The following KRIT1 variants were observed in gnomAD, a reference collection of about 807,000 sequenced individuals.
KRIT1 encodes krev interaction trapped protein 1.
In KRIT1, 45 loss-of-function variants were observed where a neutral mutation model predicts 95.8. That is an observed-to-expected ratio of 0.47 (90% CI 0.37 to 0.60). The LOEUF (loss-of-function observed/expected upper bound fraction) is 0.60, where lower values mean the gene tolerates loss of function less well. KRIT1 is among the 20% of genes least tolerant of loss of function. The probability of loss-of-function intolerance (pLI) is 0.00; values close to 1 mark genes in which losing one functional copy is unlikely to be tolerated. For missense variants in KRIT1, 788 were observed against 877.5 expected, an observed-to-expected ratio of 0.90 and a Z score of 1.29; for synonymous variants, 282 against 278.8, an observed-to-expected ratio of 1.01 and a Z score of -0.11.
At chr7:92,222,674 T>C (rs183622259) in intron 13 of KRIT1, 148 bp downstream of exon 13, 2 of 628,798 alleles carry the variant, frequency 3.2e-6, no homozygotes, top group Admixed American at 5.5e-5. Flanking sequence ...TTTCAGCAGT[T>C]TGAACACTAG....
At chr7:92,202,964 T>G (rs1790543569) in intron 17 of KRIT1, among the ~76,000 whole-genome samples, 1 of 152,184 alleles carries the variant, frequency 6.6e-6, no homozygotes, top group Non-Finnish European at 1.5e-5. Flanking sequence ...TTTAAATCAA[T>G]CACCTGAAAT....
rs1361780940 is a variant in KRIT1, at chr7:92,226,791, T to G, written c.990-109A>C. ...AATTTTAGATGATATCTCAAAGAAATCTAAGAATTTTCTAGGACAGAGAGC... is the reference window on the plus strand; with the variant it reads ...AATTTTAGATGATATCTCAAAGAAAGCTAAGAATTTTCTAGGACAGAGAGC... On this transcript the variant is annotated intron_variant, in intron 10 of 18. Coordinates refer to ENST00000394505, the MANE Select transcript of KRIT1 (RefSeq NM_194454.3). 3 of 952,216 alleles carry G rather than the reference T, an allele frequency of 3.2e-6. No homozygotes were observed. In the African/African-American group the frequency reaches 5.0e-5, roughly 16 times the overall value. The allele number at this position is 952,216 out of a possible 1,614,324, so 59.0% of individuals were successfully genotyped here. A position where few individuals can be genotyped will look rare whatever the true frequency, so the allele number is the denominator to read the frequency against.
Position 92,213,314 on chromosome 7 carries a change from C to CT in KRIT1, c.1905_1906insA (p.Gly636ArgfsTer19). 6.2e-7 allele frequency: 1 copy of CT among 1,613,408 alleles called. No homozygotes were observed. The highest frequency in any genetic ancestry group is 8.5e-7 in the Non-Finnish European group (1 of 1,179,450). The stretch of plus-strand genomic sequence containing the variant: ...ATCTGTCCTGTGAAAAATGCTGCTC[C>CT]ATAAGTAGGAATTTCCCAGCAATTC... On this transcript the variant is annotated frameshift_variant, in exon 17 of 19. Transcript: ENST00000394505. LOFTEE classifies it high-confidence loss of function.
upstream of KRIT1, chr7:92,245,958 C>T: frequency 8.1e-6 from 2 of 245,660 alleles, no homozygotes; most frequent in Non-Finnish European, 1.6e-5. Flanking sequence ...TCGCGGTTGG[C>T]GGTGAAAGAG....
In KRIT1 at chr7:92,235,558, T is replaced by G; in HGVS notation, c.574A>C (p.Asn192His). Reference protein sequence around the residue: ...PLERIKTNVINPAYATESGQT... With the variant: ...PLERIKTNVIHPAYATESGQT... ...CCTGATTCAGTAGCATATGCAGGAT[T>G]TATGACATTAGTTTTTATCCGCTCA... is the stretch of plus-strand genomic sequence containing the variant. The change falls in exon 8 of 19, where the codon AAT becomes CAT. Residue 192 changes from asparagine (N) to histidine (H), a missense_variant. Physicochemically the swap from Asn to His is moderately conservative, Grantham distance 68. Around this residue, in one of 3 missense-constraint regions of KRIT1, gnomAD observed 289 missense variants for 277.5 expected, o/e 1.04. Transcript: ENST00000394505. The G allele has an allele frequency of 6.2e-7, 1 of 1,614,000 alleles. No individual in the cohort carries two copies. The highest frequency in any genetic ancestry group is 8.5e-7 in the Non-Finnish European group (1 of 1,179,924).
At chr7:92,220,144 T>C (rs1043172263) in intron 14 of KRIT1, among the ~76,000 whole-genome samples, 27 of 152,176 alleles carry the variant, frequency 1.8e-4, no homozygotes, top group African/African-American at 4.8e-4. Flanking sequence ...CCATTGAATA[T>C]GATATTAGCT....
chr7:92,203,330 T>C (rs1045717047), intron 17 of KRIT1, among the ~76,000 whole-genome samples: 1 of 152,240 alleles, frequency 6.6e-6, no homozygotes, highest in African/African-American at 2.4e-5. Context: ...GTTCCCACAT[T>C]TGACGGCTGA....
Position 92,236,237 on chromosome 7 carries a change from G to A in KRIT1, c.485+176C>T, listed in dbSNP as rs1798409380. 7.3e-6 allele frequency: 4 copies of A among 545,332 alleles called. No individual in the cohort carries two copies. In the South Asian group the frequency reaches 8.9e-5, roughly 12 times the overall value. The allele number at this position is 545,332 out of a possible 1,614,324, so 33.8% of individuals were successfully genotyped here. ...AATTAACATGCTGTACCCAGGCCAG[G>A]ACAACCTTATCTTCGGGTTTTTCAT... On this transcript the variant is annotated intron_variant, in intron 7 of 18. Transcript: ENST00000394505.
Position 92,213,249 on chromosome 7 carries a change from A to G in KRIT1, c.1971T>C (p.Pro657=). Residue 657 remains proline (P), a synonymous_variant, in exon 17 of 19, where the codon CCT becomes CCC. Transcript: ENST00000394505. Reference sequence around the variant, plus strand: ...CTTTTATATTCACTCCTACATACACAGGGATGACTTTATGATTGCTGGGGC... The same window carrying G: ...CTTTTATATTCACTCCTACATACACGGGGATGACTTTATGATTGCTGGGGC... ...KASPSNHKVI[P]VYVGVNIKGL... is the part of the protein sequence containing the mutation. 1 of 1,613,544 alleles carries G rather than the reference A, an allele frequency of 6.2e-7. No homozygotes were observed.
chr7:92,243,439 GTTT>G (rs1357752317), intron 3 of KRIT1, among the ~76,000 whole-genome samples: 1 of 151,996 alleles, frequency 6.6e-6, no homozygotes, highest in Non-Finnish European at 1.5e-5. Context: ...ACTTTCTTCA[GTTT>G]TTTAAAAACC....
At position 92,199,719 on chromosome 7, in the gene KRIT1, C is replaced by T. The variant is rs922444616; in HGVS notation, c.*1017G>A. 3 of 152,060 alleles carry T rather than the reference C, an allele frequency of 2.0e-5. No homozygotes were observed. The highest frequency in any genetic ancestry group is 4.8e-5 in the African/African-American group (2 of 41,402). The allele number at this position is 152,060 out of a possible 1,614,324, so 9.4% of individuals were successfully genotyped here. A position where few individuals can be genotyped will look rare whatever the true frequency, so the allele number is the denominator to read the frequency against. On this transcript the variant is annotated 3_prime_UTR_variant, in exon 19 of 19. Transcript: ENST00000394505. Reference sequence around the variant, plus strand: ...TGTGAAATTTCTCAACTTTAATAATCGAAATTCCTTATTGGGTCTGAAATT... The same window carrying T: ...TGTGAAATTTCTCAACTTTAATAATTGAAATTCCTTATTGGGTCTGAAATT...
intron 6 of KRIT1, among the ~76,000 whole-genome samples, chr7:92,237,030 C>G (rs1340273981): frequency 1.3e-5 from 2 of 151,954 alleles, no homozygotes; most frequent in Non-Finnish European, 2.9e-5. Context: ...GTATCTAATA[C>G]CTCATTGAAT....
intron 10 of KRIT1, among the ~76,000 whole-genome samples, chr7:92,230,152 T>C (rs1363253898): frequency 1.3e-5 from 2 of 152,142 alleles, no homozygotes; most frequent in Non-Finnish European, 2.9e-5. Context: ...AATTATTTAA[T>C]ATAATCATAG....
At chr7:92,234,382 G>A in intron 10 of KRIT1, 67 bp downstream of exon 10, 2 of 1,215,404 alleles carry the variant, frequency 1.6e-6, no homozygotes, top group South Asian at 2.5e-5. Flanking sequence ...GTCTTGAAAA[G>A]AAGGACTAAC....
intron 10 of KRIT1, 25 bp from the exon 11 acceptor site, chr7:92,226,707 A>G (rs774968044): frequency 6.2e-7 from 1 of 1,609,336 alleles, no homozygotes; most frequent in South Asian, 1.1e-5. Context: ...AAACAAACAA[A>G]AAACAACAAC....
chr7:92,223,156 G>A (rs1042967553), intron 12 of KRIT1, among the ~76,000 whole-genome samples, 178 bp from the exon 13 acceptor site: 3 of 151,700 alleles, frequency 2.0e-5, no homozygotes, highest in Non-Finnish European at 1.5e-5. Flanking sequence ...CTGGCCGGGC[G>A]CGGTGGCTCA....
intron 14 of KRIT1, among the ~76,000 whole-genome samples, chr7:92,218,888 T>C (rs1481271697): frequency 1.3e-5 from 2 of 152,236 alleles, no homozygotes; most frequent in Non-Finnish European, 2.9e-5. Flanking sequence ...ATGCTTTTGT[T>C]GTCATATCTG....
chr7:92,219,277 C>T (rs926524549), intron 14 of KRIT1, among the ~76,000 whole-genome samples: 1 of 152,202 alleles, frequency 6.6e-6, no homozygotes, highest in Admixed American at 6.5e-5. Context: ...GCTGGGATTA[C>T]AGGTGTGAGC....
chr7:92,235,824 ATTTT>A (rs566891412), intron 7 of KRIT1, 178 bp from the exon 8 acceptor site: 12 of 566,314 alleles, frequency 2.1e-5, no homozygotes, highest in Non-Finnish European at 3.0e-5. Context: ...TTGCAAATTG[ATTTT>A]TTTAACAAAA....
Sources: gnomAD v4.1 joint callset for allele counts (sites outside exome capture counted in the v4.1 genomes callset) on GRCh38, gnomAD v4.1.1 for gene constraint, gnomAD v4.1.1 regional missense constraint, MANE v1.5 for transcripts, NCBI Gene and HGNC (gene_info 2026-07-23, HGNC 2026-07-21) for gene names.